The following EYS variants were observed in gnomAD, a reference collection of about 807,000 sequenced individuals.
EYS encodes protein eyes shut homolog.
In EYS, 250 loss-of-function variants were observed where a neutral mutation model predicts 282.1. The ratio of observed to expected loss-of-function variants is 0.89; its 90% confidence interval spans 0.80 to 0.98. The LOEUF (loss-of-function observed/expected upper bound fraction) is 0.98, where lower values mean the gene tolerates loss of function less well. Among genes scored for constraint, EYS ranks in the 50% least tolerant of loss-of-function variants. The probability of loss-of-function intolerance (pLI) is 0.00; values close to 1 mark genes in which losing one functional copy is unlikely to be tolerated. For synonymous variants in EYS, 1,355 were observed against 1,282.9 expected, an observed-to-expected ratio of 1.06 and a Z score of -1.20; for missense variants, 4,016 against 3,709.0, an observed-to-expected ratio of 1.08 and a Z score of -2.15.
chr6:65,142,278 A>G (rs1764366107), intron 12 of EYS, among the ~76,000 whole-genome samples: 1 of 150,980 alleles, frequency 6.6e-6, no homozygotes, highest in African/African-American at 2.4e-5. Context: ...ATCTAATGGG[A>G]ATCCCAGTGT....
chr6:63,755,270 C>CTGTT (rs1390991931), intron 41 of EYS, among the ~76,000 whole-genome samples: 11 of 152,120 alleles, frequency 7.2e-5, no homozygotes, highest in African/African-American at 2.4e-4. Context: ...TTGCCCATGC[C>CTGTT]TATATCCTGT....
At chr6:64,815,930 T>TA (rs1046105048) in intron 21 of EYS, among the ~76,000 whole-genome samples, 3 of 152,100 alleles carry the variant, frequency 2.0e-5, no homozygotes, top group African/African-American at 7.2e-5. Context: ...ATGTGACAGT[T>TA]ATCTCACTGA....
intron 22 of EYS, among the ~76,000 whole-genome samples, chr6:64,661,085 T>C (rs138869887): frequency 0.025 from 3,824 of 152,154 alleles, 177 homozygotes; most frequent in African/African-American, 0.087. Flanking sequence ...TAATGCCACA[T>C]ATCTACAACC....
chr6:64,485,567 A>T (rs1776556888), intron 26 of EYS, among the ~76,000 whole-genome samples: 1 of 151,494 alleles, frequency 6.6e-6, no homozygotes, highest in Admixed American at 6.6e-5. Context: ...CAAACCTAAC[A>T]CCCACTCAAT....
intron 31 of EYS, among the ~76,000 whole-genome samples, chr6:64,150,342 A>T (rs957196085): frequency 3.9e-5 from 6 of 152,222 alleles, no homozygotes; most frequent in African/African-American, 1.4e-4. Flanking sequence ...GGGGATCCTT[A>T]TGAATTGTTC....
chr6:64,607,137 GT>G (rs1766961515), intron 24 of EYS, among the ~76,000 whole-genome samples: 1 of 151,854 alleles, frequency 6.6e-6, no homozygotes, highest in Admixed American at 6.6e-5. Flanking sequence ...ACAGAGATTG[GT>G]TTTTATCATA....
chr6:64,718,598 A>G (rs891170220), intron 22 of EYS, among the ~76,000 whole-genome samples: 1 of 152,104 alleles, frequency 6.6e-6, no homozygotes, highest in Non-Finnish European at 1.5e-5. Flanking sequence ...CACGCTTTTC[A>G]TTGTGTGATT....
At chr6:65,334,301 G>T (rs563992820) in intron 11 of EYS, among the ~76,000 whole-genome samples, 1 of 151,656 alleles carries the variant, frequency 6.6e-6, no homozygotes, top group East Asian at 2.0e-4. Flanking sequence ...TCACTCTGTT[G>T]CCCAGGCTGG....
intron 35 of EYS, among the ~76,000 whole-genome samples, chr6:63,948,048 A>G (rs1765450876): frequency 6.6e-6 from 1 of 152,246 alleles, no homozygotes; most frequent in Admixed American, 6.5e-5. Flanking sequence ...GAGTAAAAAT[A>G]TAGTGAACTA....
In EYS at chr6:63,726,664, A is replaced by G; in HGVS notation, c.8088T>C (p.Asp2696=). Residue 2696 remains aspartate, a synonymous_variant, in exon 42 of 43, where the codon GAT becomes GAC. Transcript: ENST00000503581. ...IYCEQALSIS[D]PSFRSNELSW... ...ATAACTCATTGCTTCTGAAAGATGG[A>G]TCACTTATGGATAAAGCTGAGGGAA... The G allele has an allele frequency of 6.4e-7, 1 of 1,551,230 alleles. No individual in the cohort carries two copies. Among genetic ancestry groups the G allele is most frequent in the Non-Finnish European group, 8.7e-7 (1 of 1,146,674 alleles).
intron 12 of EYS, among the ~76,000 whole-genome samples, chr6:65,142,478 A>C (rs1561987788): frequency 8.0e-6 from 1 of 124,542 alleles, no homozygotes; most frequent in Non-Finnish European, 1.7e-5. Flanking sequence ...TAGAAATACA[A>C]AACACACACA....
chr6:65,471,118 C>T (rs1765196443), intron 5 of EYS, among the ~76,000 whole-genome samples: 1 of 150,490 alleles, frequency 6.6e-6, no homozygotes, highest in Admixed American at 6.7e-5. Context: ...GCCTGGGTGA[C>T]AGAGCACGAC....
intron 12 of EYS, among the ~76,000 whole-genome samples, chr6:65,144,327 C>T (rs9445474): frequency 0.12 from 18,384 of 151,964 alleles, 1,453 homozygotes; most frequent in African/African-American, 0.22. Flanking sequence ...GTAAAGAGTA[C>T]GGAAAAAGAA....
At chr6:64,898,531 G>A (rs773018507) in intron 18 of EYS, among the ~76,000 whole-genome samples, 2 of 151,850 alleles carry the variant, frequency 1.3e-5, no homozygotes, top group Non-Finnish European at 2.9e-5. Flanking sequence ...ACACTACGAA[G>A]AAACTGCATC....
intron 36 of EYS, among the ~76,000 whole-genome samples, chr6:63,830,729 C>T (rs1378121386): frequency 6.6e-6 from 1 of 152,176 alleles, no homozygotes; most frequent in Non-Finnish European, 1.5e-5. Context: ...CACAAAGATA[C>T]TCCTTGAGAA....
At chr6:64,872,352 T>C (rs1697560449) in intron 19 of EYS, among the ~76,000 whole-genome samples, 1 of 152,108 alleles carries the variant, frequency 6.6e-6, no homozygotes, top group Admixed American at 6.6e-5. Context: ...CCAGACTATA[T>C]TCAACCTGTG....
intron 22 of EYS, among the ~76,000 whole-genome samples, chr6:64,672,701 G>T (rs903288044): frequency 2.4e-4 from 36 of 151,986 alleles, no homozygotes; most frequent in African/African-American, 8.7e-4. Flanking sequence ...TATGTGCCTT[G>T]GTCTTTTGAG....
chr6:65,655,042 T>A (rs1030630708), intron 1 of EYS, among the ~76,000 whole-genome samples: 1 of 150,476 alleles, frequency 6.6e-6, no homozygotes, highest in South Asian at 2.1e-4. Context: ...AATATCTTCA[T>A]GAGAATTACT....
chr6:64,959,110 G>A (rs1458149513), intron 14 of EYS, among the ~76,000 whole-genome samples: 3 of 152,182 alleles, frequency 2.0e-5, no homozygotes. Context: ...AGTCGTAGTT[G>A]TGGTAACCAT....
Sources: gnomAD v4.1 joint callset for allele counts (sites outside exome capture counted in the v4.1 genomes callset) on GRCh38, gnomAD v4.1.1 for gene constraint, MANE v1.5 for transcripts, NCBI Gene and HGNC (gene_info 2026-07-23, HGNC 2026-07-21) for gene names.